Variants in SESN2 observed in about 807,000 individuals in gnomAD.
SESN2 encodes the protein sestrin 2, also known as sestrin-2.
In SESN2, 42 loss-of-function variants were observed where a neutral mutation model predicts 56.0. That is an observed-to-expected ratio of 0.75 (90% CI 0.59 to 0.97). The LOEUF (loss-of-function observed/expected upper bound fraction) is 0.97. SESN2 is among the 50% of genes least tolerant of loss of function. The pLI, the probability that SESN2 is intolerant of heterozygous loss-of-function variation, is 0.00. For missense variants in SESN2, 507 were observed against 649.4 expected (o/e 0.78, Z 2.38); for synonymous variants, 264 against 267.1 (o/e 0.99, Z 0.11).
chr1:28,269,091 T>C, intron 1 of SESN2, 92 bp from the exon 2 acceptor site: 1 of 875,510 alleles, frequency 1.1e-6, no homozygotes. Flanking sequence ...CACTTCAGTG[T>C]AGCCCCTTGG....
intron 7 of SESN2, 105 bp from the exon 8 acceptor site, chr1:28,274,720 G>A: frequency 1.1e-6 from 1 of 897,326 alleles, no homozygotes; most frequent in Admixed American, 2.2e-5. Context: ...TTAGGTTTAT[G>A]GCACCAGGAA....
intron 1 of SESN2, among the ~76,000 whole-genome samples, chr1:28,266,335 AAGG>A (rs1647558765): frequency 1.3e-5 from 2 of 152,156 alleles, no homozygotes; most frequent in South Asian, 4.1e-4. Flanking sequence ...TTGATACAGC[AAGG>A]AGGTTAATGA....
Position 28,279,240 on chromosome 1 carries a change from A to C in SESN2, c.1355A>C (p.Lys452Thr), listed in dbSNP as rs1215530191. ...LFWRHFRHSE[K>T]VHVNLLLLEA... ...TGGAGGCACTTCCGCCACTCAGAGA[A>C]GGTATGACCTATACAGGCAGGGCAG... Residue 452 changes from lysine to threonine, a missense_variant and splice_region_variant, in exon 9 of 10, where the codon AAG (lysine) becomes ACG (threonine). Lys to Thr is a moderately conservative substitution (Grantham distance 78). Coordinates refer to ENST00000253063, the MANE Select transcript of SESN2 (RefSeq NM_031459.5). 6.2e-7 allele frequency: 1 copy of C among 1,613,972 alleles called. No individual in the cohort carries two copies. The highest frequency in any genetic ancestry group is 2.2e-5 in the East Asian group (1 of 44,898).
At chr1:28,280,098 A>G (rs1648182329) in intron 9 of SESN2, among the ~76,000 whole-genome samples, 1 of 151,982 alleles carries the variant, frequency 6.6e-6, no homozygotes, top group Admixed American at 6.6e-5. Context: ...TCAGCCTCTC[A>G]AAGTTTTTTG....
chr1:28,263,561 G>A (rs1324274837), intron 1 of SESN2, among the ~76,000 whole-genome samples: 1 of 152,186 alleles, frequency 6.6e-6, no homozygotes, highest in African/African-American at 2.4e-5. Flanking sequence ...GTCTGTAGCT[G>A]AGACCAGGGA....
rs974277636 is a variant in SESN2 at position 28,281,831 on chromosome 1, C to T, written c.*1029C>T. 6.6e-6 allele frequency: 1 copy of T among 152,188 alleles called. No homozygotes were observed. The highest frequency in any genetic ancestry group is 1.5e-5 in the Non-Finnish European group (1 of 68,084). 9.4% of individuals were successfully genotyped at this position (152,188 alleles called of 1,614,324 possible). ...GGTGACCATGGCTACATTGCCAAAC[C>T]TCTGACTGCCACAGCTGCAGACTGA... On this transcript the variant is annotated 3_prime_UTR_variant, in exon 10 of 10. Transcript: ENST00000253063.
chr1:28,260,148 TC>T lies in SESN2; in HGVS notation c.90+216del, dbSNP rs528985354. Among the ~76,000 whole-genome samples the T allele has an allele frequency of 2.1e-3, 171 of 79,892 alleles. 1 individual carries two copies. Among genetic ancestry groups the T allele is most frequent in the African/African-American group, 7.1e-3 (148 of 20,846 alleles). The allele number at this position is 79,892 out of a possible 152,430, so 52.4% of individuals were successfully genotyped here. A position where few individuals can be genotyped will look rare whatever the true frequency, so the allele number is the denominator to read the frequency against. On this transcript the variant is annotated intron_variant, in intron 1 of 9. Coordinates refer to ENST00000253063, the MANE Select transcript of SESN2 (RefSeq NM_031459.5). ...CTCTCCCTCCTTCTCCCCCTCCCTC[TC>T]CCCCTCCTCCCTCCCTCTCCCCCTC...
Position 28,271,681 on chromosome 1 carries a change from G to A in SESN2, c.164G>A (p.Arg55Gln), listed in dbSNP as rs776410096. 12 of 1,613,938 alleles carry A rather than the reference G, an allele frequency of 7.4e-6. No individual in the cohort carries two copies. Among genetic ancestry groups the A allele is most frequent in the South Asian group, 4.4e-5 (4 of 91,076 alleles). Residue 55 changes from arginine (R) to glutamine (Q), a missense_variant, in exon 3 of 10, where the codon CGG becomes CAG. Physicochemically the swap from Arg to Gln is conservative, Grantham distance 43. Coordinates refer to ENST00000253063, the MANE Select transcript of SESN2 (RefSeq NM_031459.5). ...CTCCCCTTTGGTTGGCAGGTCCTTC[G>A]GGAGGGGGCTGAGAGCCTCGAGCAG... is the stretch of plus-strand genomic sequence containing the variant. ...SAFIPVEEVL[R>Q]EGAESLEQHL...
intron 1 of SESN2, among the ~76,000 whole-genome samples, 169 bp downstream of exon 1, chr1:28,260,106 C>G (rs1647316176): frequency 6.8e-6 from 1 of 147,474 alleles, no homozygotes; most frequent in East Asian, 2.1e-4. Context: ...CGGCACCCCT[C>G]CCCCACTCTG....
chr1:28,277,279 T>C (rs2149040496), intron 8 of SESN2, among the ~76,000 whole-genome samples: 1 of 151,712 alleles, frequency 6.6e-6, no homozygotes, highest in Admixed American at 6.6e-5. Context: ...CTCAGCTCAC[T>C]GCAACCTCCA....
intron 1 of SESN2, among the ~76,000 whole-genome samples, chr1:28,266,655 G>C (rs1647570047): frequency 6.6e-6 from 1 of 151,198 alleles, no homozygotes; most frequent in Non-Finnish European, 1.5e-5. Context: ...AAACTCCTGG[G>C]CTCAGGCAGT....
chr1:28,269,198 C>T lies in SESN2; in HGVS notation c.106C>T (p.Arg36Trp), dbSNP rs146389695. 7.3e-3 allele frequency: 11,710 copies of T among 1,612,494 alleles called. 76 individuals are homozygous for T. The highest frequency in any genetic ancestry group is 9.4e-3 in the Non-Finnish European group (11,124 of 1,179,074). Reference protein sequence around the residue: ...SGPGEEQRESRARRGPRGPSA... With the variant: ...SGPGEEQRESWARRGPRGPSA... ...TTCCTCCCAGGAGCAGAGGGAGAGC[C>T]GGGCTCGGCGAGGCCCTCGAGGGCC... is the stretch of plus-strand genomic sequence containing the variant. The change falls in exon 2 of 10, where the codon CGG (arginine) becomes TGG (tryptophan). Residue 36 changes from arginine (R) to tryptophan (W), a missense_variant. By Grantham distance (101) the Arg-to-Trp change is moderately radical. Coordinates refer to ENST00000253063, the MANE Select transcript of SESN2 (RefSeq NM_031459.5).
intron 1 of SESN2, among the ~76,000 whole-genome samples, chr1:28,262,516 G>A (rs1002032863): frequency 1.7e-4 from 26 of 150,456 alleles, no homozygotes; most frequent in Admixed American, 1.6e-3. Context: ...CAGCTACTTC[G>A]AAGGCTGAGG....
chr1:28,266,705 T>C (rs1488617358), intron 1 of SESN2, among the ~76,000 whole-genome samples: 1 of 151,928 alleles, frequency 6.6e-6, no homozygotes, highest in African/African-American at 2.4e-5. Context: ...GACTACAGGT[T>C]GTGTGCTACC....
Position 28,271,788 on chromosome 1 carries a change from A to T in SESN2, c.271A>T (p.Thr91Ser), listed in dbSNP as rs757524759. Reference sequence around the variant, plus strand: ...GATGGGCCTGCACCCTGACTACTTTACCAGCTTCTGGCGCCTGCACTACCT... The same window carrying T: ...GATGGGCCTGCACCCTGACTACTTTTCCAGCTTCTGGCGCCTGCACTACCT... Reference protein sequence around the residue: ...VVMGLHPDYFTSFWRLHYLLL... With the variant: ...VVMGLHPDYFSSFWRLHYLLL... Residue 91 changes from threonine (T) to serine (S), a missense_variant, in exon 3 of 10, where the codon ACC becomes TCC. Physicochemically the swap from Thr to Ser is moderately conservative, Grantham distance 58 (BLOSUM62 1). Transcript: ENST00000253063. The T allele has an allele frequency of 1.2e-6, 2 of 1,614,116 alleles. No individual in the cohort carries two copies. The highest frequency in any genetic ancestry group is 4.5e-5 in the East Asian group (2 of 44,860).
intron 1 of SESN2, among the ~76,000 whole-genome samples, chr1:28,264,549 CCT>C (rs879520223): frequency 4.6e-5 from 6 of 130,200 alleles, no homozygotes; most frequent in Middle Eastern, 3.6e-3. Context: ...TGACCTGACC[CCT>C]CTGTGTTGCA....
At chr1:28,270,576 CTTTT>C (rs1050379080) in intron 2 of SESN2, among the ~76,000 whole-genome samples, 1 of 145,518 alleles carries the variant, frequency 6.9e-6, no homozygotes, top group South Asian at 2.2e-4. Flanking sequence ...AAGTGACCAC[CTTTT>C]TTTTTTTTGA....
intron 8 of SESN2, among the ~76,000 whole-genome samples, chr1:28,277,427 G>A (rs1027341779): frequency 6.6e-6 from 1 of 152,098 alleles, no homozygotes; most frequent in African/African-American, 2.4e-5. Context: ...TGTTGGACAG[G>A]CTGGTCTGGA....
chr1:28,260,020 G>A, intron 1 of SESN2, 83 bp downstream of exon 1: 1 of 1,098,874 alleles, frequency 9.1e-7, no homozygotes. Context: ...CTGAGTCGGT[G>A]TGTCCTGGGC....
Sources: allele counts gnomAD v4.1 joint callset (sites outside exome capture counted in the v4.1 genomes callset), GRCh38; gene constraint gnomAD v4.1.1; transcripts MANE v1.5; gene names NCBI Gene and HGNC (gene_info 2026-07-23, HGNC 2026-07-21).